Variants in ITGA9 observed in about 807,000 individuals in gnomAD.
The protein encoded by ITGA9 is integrin alpha-9.
Under a neutral mutation model 127.8 loss-of-function variants are expected in ITGA9, and 56 were observed. The ratio of observed to expected loss-of-function variants is 0.44; its 90% CI spans 0.35 to 0.55. The LOEUF (loss-of-function observed/expected upper bound fraction) is 0.55, where lower values mean the gene tolerates loss of function less well. Ranked by LOEUF, ITGA9 falls within the 20% of genes least tolerant of loss-of-function variation. The pLI, the probability that ITGA9 is intolerant of heterozygous loss-of-function variation, is 0.00. For missense variants in ITGA9, 1,196 were observed against 1,347.1 expected, an observed-to-expected ratio of 0.89 and a Z score of 1.76; for synonymous variants, 508 against 514.5, an observed-to-expected ratio of 0.99 and a Z score of 0.17.
At position 37,732,817 on chromosome 3, in the gene ITGA9, ACCCTTCCTCAGCAGCAGGCCCCCAG is replaced by A; in HGVS notation, c.2154+27_2154+51del. Reference sequence around the variant, plus strand: ...GTCAAAGGTAAGGGACACAGACGGGACCCTTCCTCAGCAGCAGGCCCCCAGCCCTTCCACCAGCCACTGATTCCGC... The same window carrying A: ...GTCAAAGGTAAGGGACACAGACGGGACCCTTCCACCAGCCACTGATTCCGC... On this transcript the variant is annotated intron_variant, in intron 19 of 27. Coordinates refer to ENST00000264741, the MANE Select transcript of ITGA9 (RefSeq NM_002207.3). The A allele has an allele frequency of 6.4e-7, 1 of 1,565,772 alleles. No individual in the cohort carries two copies. Among genetic ancestry groups the A allele is most frequent in the Non-Finnish European group, 8.7e-7 (1 of 1,144,404 alleles).
chr3:37,559,354 G>A (rs1008069829), intron 15 of ITGA9, among the ~76,000 whole-genome samples: 2 of 151,966 alleles, frequency 1.3e-5, no homozygotes, highest in Non-Finnish European at 2.9e-5. Context: ...GGATAATCTC[G>A]CTCCTTGGGT....
intron 8 of ITGA9, among the ~76,000 whole-genome samples, chr3:37,511,412 A>G (rs2125574956): frequency 6.6e-6 from 1 of 152,346 alleles, no homozygotes; most frequent in South Asian, 2.1e-4. Context: ...TATGTGAAGC[A>G]TTTGTATTTC....
chr3:37,729,354 A>G (rs184476380), intron 18 of ITGA9, among the ~76,000 whole-genome samples: 1 of 152,306 alleles, frequency 6.6e-6, no homozygotes, highest in Admixed American at 6.5e-5. Flanking sequence ...GTCATGAACC[A>G]TAAGCTCAGC....
At chr3:37,654,193 CA>C (rs984451088) in intron 17 of ITGA9, among the ~76,000 whole-genome samples, 8 of 66,498 alleles carry the variant, frequency 1.2e-4, no homozygotes, top group African/African-American at 2.6e-4. Context: ...CCTGCCTCCA[CA>C]CACACACACA....
rs1226031517 is a variant in ITGA9, at chr3:37,627,889, T to C, written c.1690-1298T>C. On this transcript the variant is annotated intron_variant, in intron 15 of 27. Coordinates refer to ENST00000264741, the MANE Select transcript of ITGA9 (RefSeq NM_002207.3). ...AGATGCCACCATGTGCTGCAGATGC[T>C]TGGACTGGATGGATACCTAAGTACC... 9.9e-5 allele frequency among the ~76,000 whole-genome samples: 15 copies of C among 152,200 alleles called. 1 individual carries two copies. Among genetic ancestry groups the C allele is most frequent in the Admixed American group, 9.8e-4 (15 of 15,280 alleles).
At chr3:37,537,746 G>A (rs1378712584) in intron 14 of ITGA9, among the ~76,000 whole-genome samples, 1 of 152,218 alleles carries the variant, frequency 6.6e-6, no homozygotes, top group Non-Finnish European at 1.5e-5. Context: ...GGCCCCTTGT[G>A]TGGCATGCAC....
intron 23 of ITGA9, among the ~76,000 whole-genome samples, chr3:37,767,038 C>G (rs1352736603): frequency 2.0e-5 from 3 of 152,318 alleles, no homozygotes; most frequent in African/African-American, 7.2e-5. Flanking sequence ...ACAGGGCAGC[C>G]TGGTGGTGGT....
intron 17 of ITGA9, among the ~76,000 whole-genome samples, chr3:37,668,047 C>G (rs1454458495): frequency 2.0e-5 from 3 of 152,046 alleles, no homozygotes; most frequent in African/African-American, 7.2e-5. Context: ...TGGGCAGACT[C>G]AAAGCACTGA....
chr3:37,497,791 C>T (rs1698746679), intron 5 of ITGA9, among the ~76,000 whole-genome samples: 1 of 152,124 alleles, frequency 6.6e-6, no homozygotes, highest in African/African-American at 2.4e-5. Context: ...TGACTTGAGT[C>T]AATAGGCAGT....
At chr3:37,554,211 G>A (rs1699407507) in intron 15 of ITGA9, among the ~76,000 whole-genome samples, 2 of 152,158 alleles carry the variant, frequency 1.3e-5, no homozygotes, top group Non-Finnish European at 2.9e-5. Flanking sequence ...GCGGGTTTGG[G>A]AGTGCAGGCA....
intron 15 of ITGA9, among the ~76,000 whole-genome samples, chr3:37,615,677 T>C (rs1700067164): frequency 6.6e-6 from 1 of 152,236 alleles, no homozygotes. Flanking sequence ...ATTCAACTTC[T>C]TCCTGGTTTA....
At chr3:37,548,226 A>C (rs1313527220) in intron 15 of ITGA9, among the ~76,000 whole-genome samples, 1 of 152,240 alleles carries the variant, frequency 6.6e-6, no homozygotes, top group Non-Finnish European at 1.5e-5. Flanking sequence ...TGGATGATTC[A>C]TTTATATGAC....
chr3:37,777,265 A>C (rs951288702), intron 23 of ITGA9, 127 bp from the exon 24 acceptor site: 17 of 1,064,122 alleles, frequency 1.6e-5, no homozygotes, highest in Non-Finnish European at 2.4e-5. Context: ...ATTGTTCTCC[A>C]CTTCAAAATG....
chr3:37,454,623 G>A lies in ITGA9; in HGVS notation c.185+2064G>A, dbSNP rs867550517. 4.6e-5 allele frequency among the ~76,000 whole-genome samples: 7 copies of A among 152,282 alleles called. No individual in the cohort carries two copies. In the South Asian group the frequency reaches 1.4e-3, roughly 32 times the overall value. On this transcript the variant is annotated intron_variant, in intron 1 of 27. Coordinates refer to ENST00000264741, the MANE Select transcript of ITGA9 (RefSeq NM_002207.3). ...GGCTACTCTTTGTATTGGAGTGCTT[G>A]TCCCCATAGCTGTTCAGGCACCAAC... is the stretch of plus-strand genomic sequence containing the variant.
chr3:37,686,421 C>T (rs116446837), intron 18 of ITGA9, among the ~76,000 whole-genome samples: 81 of 152,282 alleles, frequency 5.3e-4, no homozygotes, highest in Non-Finnish European at 8.4e-4. Context: ...ACCCCTGTAT[C>T]GTCATTGGCC....
At chr3:37,733,075 G>A (rs534670580) in intron 19 of ITGA9, 17 of 447,582 alleles carry the variant, frequency 3.8e-5, no homozygotes, top group Non-Finnish European at 5.0e-5. Context: ...ACTTTAGCAC[G>A]TGCCATTTAG....
At chr3:37,761,268 T>C (rs756853773) in intron 23 of ITGA9, among the ~76,000 whole-genome samples, 4 of 152,220 alleles carry the variant, frequency 2.6e-5, no homozygotes, top group Non-Finnish European at 4.4e-5. Context: ...CAAATACTGC[T>C]GGTATGAAAG....
chr3:37,779,611 A>G (rs1387959312), intron 24 of ITGA9, among the ~76,000 whole-genome samples: 2 of 152,196 alleles, frequency 1.3e-5, no homozygotes, highest in African/African-American at 4.8e-5. Context: ...GTGGGTTTAA[A>G]AAAAAAAACA....
intron 15 of ITGA9, among the ~76,000 whole-genome samples, chr3:37,556,822 C>T (rs536798476): frequency 6.6e-5 from 10 of 152,200 alleles, no homozygotes; most frequent in African/African-American, 1.2e-4. Context: ...TCACACTGAC[C>T]GTGAGAGCGA....
Sources: gnomAD v4.1 joint callset for allele counts (sites outside exome capture counted in the v4.1 genomes callset) on GRCh38, gnomAD v4.1.1 for gene constraint, MANE v1.5 for transcripts, NCBI Gene and HGNC (gene_info 2026-07-23, HGNC 2026-07-21) for gene names.